Variants in SRBD1 observed in about 807,000 individuals in gnomAD.
The protein encoded by SRBD1 is S1 RNA-binding domain-containing protein 1.
A neutral mutation model predicts 115.3 loss-of-function variants in SRBD1; 88 were observed. The observed-to-expected ratio is 0.76, with a 90% CI of 0.64 to 0.91. The LOEUF is 0.91. Among genes scored for constraint, SRBD1 ranks in the 40% least tolerant of loss-of-function variants. The pLI is 0.00. For synonymous variants in SRBD1, 509 were observed against 407.7 expected, an observed-to-expected ratio of 1.25 and a Z score of -2.99; for missense variants, 1,385 against 1,177.4, an observed-to-expected ratio of 1.18 and a Z score of -2.58.
chr2:45,489,359 G>A (rs752732460), intron 14 of SRBD1, among the ~76,000 whole-genome samples: 6 of 152,094 alleles, frequency 3.9e-5, no homozygotes, highest in Admixed American at 1.3e-4. Flanking sequence ...GACATGTAAC[G>A]TACTGCCCCA....
chr2:45,599,727 G>C lies in SRBD1; in HGVS notation c.370C>G (p.Pro124Ala). 1.2e-6 allele frequency: 2 copies of C among 1,614,138 alleles called. No individual in the cohort carries two copies. Among genetic ancestry groups the C allele is most frequent in the Non-Finnish European group, 1.7e-6 (2 of 1,180,038 alleles). The change falls in exon 4 of 21, where the codon CCA becomes GCA. Residue 124 changes from proline (P) to alanine (A), a missense_variant. Physicochemically the swap from Pro to Ala is conservative, Grantham distance 27. Coordinates refer to ENST00000263736, the MANE Select transcript of SRBD1 (RefSeq NM_018079.5). ...AKTKQKCAAQPHTVRRTKKLK... is the reference protein window; with the variant it reads ...AKTKQKCAAQAHTVRRTKKLK... Reference sequence around the variant, plus strand: ...TTTTTAGTCCTTCGAACTGTATGTGGCTGCGCTGCACATTTCTGTTTTGTC... The same window carrying C: ...TTTTTAGTCCTTCGAACTGTATGTGCCTGCGCTGCACATTTCTGTTTTGTC...
intron 14 of SRBD1, among the ~76,000 whole-genome samples, chr2:45,523,334 A>G (rs898252325): frequency 1.3e-5 from 2 of 151,514 alleles, no homozygotes; most frequent in Non-Finnish European, 3.0e-5. Flanking sequence ...GAAGTAATAA[A>G]GATTACAGCA....
intron 4 of SRBD1, among the ~76,000 whole-genome samples, chr2:45,598,290 C>A (rs959659292): frequency 1.3e-5 from 2 of 152,138 alleles, no homozygotes; most frequent in African/African-American, 4.8e-5. Context: ...TTCCTTAGTG[C>A]ACCACAGAGA....
At chr2:45,504,224 T>C (rs1670727715) in intron 14 of SRBD1, among the ~76,000 whole-genome samples, 1 of 152,126 alleles carries the variant, frequency 6.6e-6, no homozygotes, top group Non-Finnish European at 1.5e-5. Context: ...CAATCCTTCA[T>C]TCTCCCTTTT....
chr2:45,425,655 C>T (rs927434141), intron 16 of SRBD1, among the ~76,000 whole-genome samples: 13 of 151,972 alleles, frequency 8.6e-5, no homozygotes, highest in Non-Finnish European at 1.9e-4. Context: ...GTGGGTACAG[C>T]CCACGGAGGG....
At chr2:45,578,928 T>C (rs1203745121) in intron 7 of SRBD1, among the ~76,000 whole-genome samples, 1 of 152,244 alleles carries the variant, frequency 6.6e-6, no homozygotes, top group Non-Finnish European at 1.5e-5. Context: ...AGTTTGACTA[T>C]AATACTCACT....
chr2:45,416,270 A>T (rs931543927), intron 18 of SRBD1, among the ~76,000 whole-genome samples: 30 of 99,708 alleles, frequency 3.0e-4, no homozygotes, highest in Non-Finnish European at 7.2e-4. Flanking sequence ...TATAAAAATT[A>T]AAAAAAACAG....
chr2:45,585,128 C>T (rs771549761), intron 5 of SRBD1, among the ~76,000 whole-genome samples: 1 of 149,632 alleles, frequency 6.7e-6, no homozygotes, highest in Non-Finnish European at 1.5e-5. Flanking sequence ...TCAGCCCAGG[C>T]GACAGAGCAA....
intron 12 of SRBD1, chr2:45,549,016 T>C (rs1672208167): frequency 6.6e-6 from 1 of 152,218 alleles, no homozygotes; most frequent in Non-Finnish European, 1.5e-5. Flanking sequence ...AACAGTCAGT[T>C]TGAGAACAGG....
At chr2:45,502,611 C>T (rs1670668939) in intron 14 of SRBD1, among the ~76,000 whole-genome samples, 1 of 149,914 alleles carries the variant, frequency 6.7e-6, no homozygotes, top group Non-Finnish European at 1.5e-5. Context: ...TGTTCTCACT[C>T]ATAGGTGGGA....
chr2:45,394,761 T>C (rs896982445), intron 19 of SRBD1, among the ~76,000 whole-genome samples: 1 of 152,224 alleles, frequency 6.6e-6, no homozygotes, highest in Non-Finnish European at 1.5e-5. Flanking sequence ...TACAGCCATA[T>C]ATATGGCCAA....
intron 15 of SRBD1, among the ~76,000 whole-genome samples, chr2:45,477,678 G>A (rs1386365874): frequency 6.6e-6 from 1 of 152,098 alleles, no homozygotes; most frequent in African/African-American, 2.4e-5. Context: ...CCCCTCCAAA[G>A]TGTTGGGATT....
At position 45,549,672 on chromosome 2, in the gene SRBD1, G is replaced by A. The variant is rs185050007; in HGVS notation, c.1675+1453C>T. ...TCAAGACCAGCCTGGGCAACATGAC[G>A]AAACTCCGTCTCTACTAAAAATACA... On this transcript the variant is annotated intron_variant, in intron 12 of 20. Coordinates refer to ENST00000263736, the MANE Select transcript of SRBD1 (RefSeq NM_018079.5). 6.9e-3 allele frequency among the ~76,000 whole-genome samples: 788 copies of A among 113,448 alleles called. 9 individuals are homozygous for A. The highest frequency in any genetic ancestry group is 0.025 in the African/African-American group (736 of 29,162). The allele number at this position is 113,448 out of a possible 152,430, so 74.4% of individuals were successfully genotyped here.
At chr2:45,608,937 A>G in intron 1 of SRBD1, among the ~76,000 whole-genome samples, 1 of 151,818 alleles carries the variant, frequency 6.6e-6, no homozygotes, top group East Asian at 1.9e-4. Flanking sequence ...CCTCCTAAGT[A>G]ACTGGGATTA....
chr2:45,419,745 T>C (rs762196918), intron 17 of SRBD1, 43 bp downstream of exon 17: 1 of 1,579,742 alleles, frequency 6.3e-7, no homozygotes, highest in Non-Finnish European at 8.7e-7. Flanking sequence ...GACAGCCAGT[T>C]AAACTCAAGA....
intron 14 of SRBD1, among the ~76,000 whole-genome samples, chr2:45,508,920 A>C (rs1325383001): frequency 6.6e-6 from 1 of 152,180 alleles, no homozygotes; most frequent in East Asian, 1.9e-4. Flanking sequence ...AAATGAGAGA[A>C]GAAAAAAGGA....
Position 45,585,615 on chromosome 2 carries a change from C to T in SRBD1, c.808G>A (p.Glu270Lys), listed in dbSNP as rs765096430. 1 of 1,610,676 alleles carries T rather than the reference C, an allele frequency of 6.2e-7. No homozygotes were observed. The highest frequency in any genetic ancestry group is 8.5e-7 in the Non-Finnish European group (1 of 1,179,118). The change falls in exon 5 of 21, where the codon GAG becomes AAG. Residue 270 changes from glutamate (E) to lysine (K), a missense_variant. Coordinates refer to ENST00000263736, the MANE Select transcript of SRBD1 (RefSeq NM_018079.5). ...CTTTTTTAGGTTTCTTACCGTAGCT[C>T]TTCTAGGGTTTGCTGAACTTCTCTC... is the stretch of plus-strand genomic sequence containing the variant. ...SLREVQQTLE[E>K]LRAVAKKVHS...
chr2:45,609,851 G>A (rs983830447), intron 1 of SRBD1, among the ~76,000 whole-genome samples: 1 of 152,156 alleles, frequency 6.6e-6, no homozygotes. Context: ...TTTATTGCTT[G>A]CACTGCTGTC....
chr2:45,599,744 T>C lies in SRBD1; in HGVS notation c.353A>G (p.Gln118Arg), dbSNP rs201939058. 2 of 1,614,242 alleles carry C rather than the reference T, an allele frequency of 1.2e-6. No individual in the cohort carries two copies. Among genetic ancestry groups the C allele is most frequent in the East Asian group, 2.2e-5 (1 of 44,884 alleles). ...TGTATGTGGCTGCGCTGCACATTTC[T>C]GTTTTGTCTTGGCTGTTTTCAGAGT... ...VQTLKTAKTK[Q>R]KCAAQPHTVR... Residue 118 changes from glutamine to arginine, a missense_variant, in exon 4 of 21, where the codon CAG becomes CGG. By Grantham distance (43) the Gln-to-Arg change is conservative. Transcript: ENST00000263736.
Sources: gnomAD v4.1 joint callset for allele counts (sites outside exome capture counted in the v4.1 genomes callset) on GRCh38, gnomAD v4.1.1 for gene constraint, MANE v1.5 for transcripts, NCBI Gene and HGNC (gene_info 2026-07-23, HGNC 2026-07-21) for gene names.